KCNAB1: variants seen among roughly 807,000 people sequenced by gnomAD.
KCNAB1 encodes the protein potassium voltage-gated channel subfamily A regulatory beta subunit 1, also known as voltage-gated potassium channel subunit beta-1.
Under a neutral mutation model 64.6 loss-of-function variants are expected in KCNAB1, and 35 were observed. The ratio of observed to expected loss-of-function variants is 0.54; its 90% CI spans 0.41 to 0.72. KCNAB1 has a LOEUF of 0.72. Ranked by LOEUF, KCNAB1 falls within the 30% of genes least tolerant of loss-of-function variation. The probability of loss-of-function intolerance (pLI) is 0.00; values close to 1 mark genes in which losing one functional copy is unlikely to be tolerated. For synonymous variants in KCNAB1, 177 were observed against 183.8 expected, an observed-to-expected ratio of 0.96 and a Z score of 0.30; for missense variants, 401 against 512.9, an observed-to-expected ratio of 0.78 and a Z score of 2.11.
intron 1 of KCNAB1, among the ~76,000 whole-genome samples, chr3:156,190,512 G>A (rs142809519): frequency 1.3e-5 from 2 of 152,186 alleles, no homozygotes; most frequent in African/African-American, 4.8e-5. Flanking sequence ...TAAATAGCTG[G>A]TACCTATTGA....
chr3:156,380,427 C>G (rs542251002), intron 1 of KCNAB1, among the ~76,000 whole-genome samples: 13 of 152,280 alleles, frequency 8.5e-5, no homozygotes, highest in Non-Finnish European at 1.5e-4. Context: ...TATTTTGAAG[C>G]CTTTCAATTT....
intron 6 of KCNAB1, among the ~76,000 whole-genome samples, chr3:156,464,540 C>G (rs1576900939): frequency 6.6e-6 from 1 of 151,024 alleles, no homozygotes; most frequent in African/African-American, 2.5e-5. Context: ...CAAAAACAAA[C>G]AAAACCTTAT....
intron 1 of KCNAB1, among the ~76,000 whole-genome samples, chr3:156,196,444 T>C (rs878868189): frequency 6.6e-6 from 1 of 152,338 alleles, no homozygotes; most frequent in South Asian, 2.1e-4. Context: ...TCCATGAGCA[T>C]GGAATGTTTT....
At chr3:156,289,343 G>A (rs993814013) in intron 1 of KCNAB1, among the ~76,000 whole-genome samples, 12 of 152,124 alleles carry the variant, frequency 7.9e-5, no homozygotes, top group African/African-American at 1.9e-4. Context: ...ACTCTGTCTC[G>A]CCTCCCAGAC....
chr3:156,141,762 A>T (rs1281140593), intron 1 of KCNAB1, among the ~76,000 whole-genome samples: 1 of 152,188 alleles, frequency 6.6e-6, no homozygotes, highest in Non-Finnish European at 1.5e-5. Context: ...ATAAGTTTTC[A>T]TTTCTCTGGG....
intron 1 of KCNAB1, among the ~76,000 whole-genome samples, chr3:156,320,478 G>A (rs1200506636): frequency 6.6e-6 from 1 of 152,208 alleles, no homozygotes; most frequent in East Asian, 1.9e-4. Flanking sequence ...AGAAAGTGGT[G>A]AGAGCCCATA....
chr3:156,455,203 G>T (rs934004714), intron 3 of KCNAB1, among the ~76,000 whole-genome samples: 1 of 152,190 alleles, frequency 6.6e-6, no homozygotes, highest in Non-Finnish European at 1.5e-5. Flanking sequence ...CACCTACCTC[G>T]ATTTTCCTGC....
chr3:156,534,862 A>T (rs1014466866), intron 13 of KCNAB1, among the ~76,000 whole-genome samples: 8 of 152,164 alleles, frequency 5.3e-5, no homozygotes, highest in Non-Finnish European at 8.8e-5. Flanking sequence ...CTTCTCTTGA[A>T]AATTCTGGTC....
intron 1 of KCNAB1, among the ~76,000 whole-genome samples, chr3:156,322,277 A>G (rs887800480): frequency 3.9e-5 from 6 of 152,168 alleles, no homozygotes; most frequent in Non-Finnish European, 5.9e-5. Context: ...ATCAAATTTG[A>G]ATATGTTAAA....
intron 1 of KCNAB1, among the ~76,000 whole-genome samples, chr3:156,339,119 C>T (rs1723927961): frequency 6.6e-6 from 1 of 152,108 alleles, no homozygotes; most frequent in Non-Finnish European, 1.5e-5. Context: ...ATGAATGATC[C>T]AGTGACTCTG....
chr3:156,232,796 C>A (rs530641246), intron 1 of KCNAB1, among the ~76,000 whole-genome samples: 1 of 152,214 alleles, frequency 6.6e-6, no homozygotes, highest in African/African-American at 2.4e-5. Context: ...GGTAGTAATA[C>A]AGAAATACTA....
chr3:156,446,203 C>T (rs1711540673), intron 2 of KCNAB1: 1 of 152,166 alleles, frequency 6.6e-6, no homozygotes, highest in African/African-American at 2.4e-5. Context: ...AGGGTAATGA[C>T]CTGGAGCTTA....
intron 8 of KCNAB1, among the ~76,000 whole-genome samples, chr3:156,512,286 A>G (rs2720280): frequency 0.43 from 64,689 of 152,108 alleles, 14,332 homozygotes; most frequent in African/African-American, 0.55. Context: ...TTGTATAATT[A>G]AATGCATGTG....
chr3:156,474,890 C>A, intron 8 of KCNAB1, 70 bp downstream of exon 8: 2 of 1,156,442 alleles, frequency 1.7e-6, no homozygotes, highest in South Asian at 1.2e-5. Flanking sequence ...CTGCTCACAG[C>A]AGGAAATGAA....
At chr3:156,231,285 T>C (rs2108434870) in intron 1 of KCNAB1, among the ~76,000 whole-genome samples, 1 of 152,314 alleles carries the variant, frequency 6.6e-6, no homozygotes, top group South Asian at 2.1e-4. Flanking sequence ...CTACAAACCA[T>C]AAATTCTCAT....
At chr3:156,465,789 A>G (rs559281436) in intron 7 of KCNAB1, 103 bp downstream of exon 7, 7 of 942,834 alleles carry the variant, frequency 7.4e-6, no homozygotes, top group East Asian at 4.9e-5. Context: ...AAAAAGTTCT[A>G]TATGAAAAGT....
chr3:156,158,723 C>T (rs1715903276), intron 1 of KCNAB1, among the ~76,000 whole-genome samples: 1 of 152,190 alleles, frequency 6.6e-6, no homozygotes, highest in Admixed American at 6.5e-5. Flanking sequence ...GCTTCATTCT[C>T]AGCTCCACAT....
At chr3:156,377,628 T>A (rs1340508489) in intron 1 of KCNAB1, among the ~76,000 whole-genome samples, 1 of 152,096 alleles carries the variant, frequency 6.6e-6, no homozygotes, top group East Asian at 1.9e-4. Flanking sequence ...TCCCCCAACC[T>A]CTTTTCCTCA....
intron 1 of KCNAB1, among the ~76,000 whole-genome samples, chr3:156,378,813 A>G (rs138051806): frequency 0.013 from 2,024 of 152,264 alleles, 17 homozygotes; most frequent in South Asian, 0.031. Context: ...AAGCCCAGGA[A>G]CGAGGAGGGT....
Sources: gnomAD v4.1 joint callset for allele counts (sites outside exome capture counted in the v4.1 genomes callset) on GRCh38, gnomAD v4.1.1 for gene constraint, MANE v1.5 for transcripts, NCBI Gene and HGNC (gene_info 2026-07-23, HGNC 2026-07-21) for gene names.